The following SLC6A11 variants were observed in gnomAD, a reference collection of about 807,000 sequenced individuals.
SLC6A11 encodes solute carrier family 6 member 11, also known as sodium- and chloride-dependent GABA transporter 3.
SLC6A11 carries 25 observed loss-of-function variants against 74.8 expected under a neutral mutation model. The ratio of observed to expected loss-of-function variants is 0.33; its 90% CI spans 0.24 to 0.47. The LOEUF (loss-of-function observed/expected upper bound fraction) is 0.47, where lower values mean the gene tolerates loss of function less well. Ranked by LOEUF, SLC6A11 falls within the 20% of genes least tolerant of loss-of-function variation. SLC6A11 has a pLI of 1.00. For synonymous variants in SLC6A11, 330 were observed against 330.2 expected (o/e 1.00, Z 0.01); for missense variants, 574 against 837.0 (o/e 0.69, Z 3.88).
chr3:10,878,229 A>T (rs1235509338), intron 6 of SLC6A11, among the ~76,000 whole-genome samples: 1 of 151,880 alleles, frequency 6.6e-6, no homozygotes, highest in African/African-American at 2.4e-5. Context: ...TGCGTCCCCT[A>T]CTACTCTCCC....
intron 5 of SLC6A11, among the ~76,000 whole-genome samples, chr3:10,868,119 T>A (rs1030316098): frequency 6.6e-6 from 1 of 152,230 alleles, no homozygotes; most frequent in African/African-American, 2.4e-5. Context: ...TTTGGATTAG[T>A]CTATCCTTGC....
intron 10 of SLC6A11, among the ~76,000 whole-genome samples, chr3:10,931,056 T>G (rs879417361): frequency 6.6e-6 from 1 of 152,216 alleles, no homozygotes; most frequent in Non-Finnish European, 1.5e-5. Flanking sequence ...AACTCAGCTC[T>G]AAGAAAAATA....
chr3:10,874,057 C>A (rs1694879638), intron 5 of SLC6A11, among the ~76,000 whole-genome samples: 1 of 152,000 alleles, frequency 6.6e-6, no homozygotes. Context: ...CCTATACTAT[C>A]CTGTGCTATC....
chr3:10,914,417 C>T (rs1419035024), intron 7 of SLC6A11, among the ~76,000 whole-genome samples: 1 of 152,200 alleles, frequency 6.6e-6, no homozygotes, highest in African/African-American at 2.4e-5. Flanking sequence ...ATGGGAGCTG[C>T]AGACAGCAGT....
intron 7 of SLC6A11, among the ~76,000 whole-genome samples, chr3:10,917,806 A>G (rs560113387): frequency 6.6e-6 from 1 of 152,288 alleles, no homozygotes; most frequent in Non-Finnish European, 1.5e-5. Context: ...GGTCTGGCAG[A>G]TGCTGCTCCA....
At chr3:10,896,893 C>T (rs776312181) in intron 6 of SLC6A11, among the ~76,000 whole-genome samples, 2 of 152,188 alleles carry the variant, frequency 1.3e-5, no homozygotes, top group Non-Finnish European at 2.9e-5. Flanking sequence ...TCCATATTCA[C>T]GTTGCTGATA....
chr3:10,826,409 G>C (rs1158054118), intron 4 of SLC6A11, among the ~76,000 whole-genome samples: 2 of 152,286 alleles, frequency 1.3e-5, no homozygotes, highest in Admixed American at 1.3e-4. Flanking sequence ...CTGCACATTT[G>C]GGGGTCTGCA....
At chr3:10,936,049 G>C (rs1394395477) in intron 13 of SLC6A11, among the ~76,000 whole-genome samples, 1 of 152,162 alleles carries the variant, frequency 6.6e-6, no homozygotes. Context: ...TTACTCCAGA[G>C]CGGCACTCCC....
At chr3:10,887,148 A>T (rs1695054035) in intron 6 of SLC6A11, among the ~76,000 whole-genome samples, 1 of 151,172 alleles carries the variant, frequency 6.6e-6, no homozygotes, top group Non-Finnish European at 1.5e-5. Context: ...TAGATGATAG[A>T]TGGATGCATG....
chr3:10,866,692 T>C (rs537139179), intron 5 of SLC6A11, among the ~76,000 whole-genome samples: 6 of 152,200 alleles, frequency 3.9e-5, no homozygotes, highest in Non-Finnish European at 8.8e-5. Context: ...CATTACCCCC[T>C]TGAAGAAATG....
At chr3:10,818,389 G>A (rs1470672421) in intron 1 of SLC6A11, among the ~76,000 whole-genome samples, 1 of 152,086 alleles carries the variant, frequency 6.6e-6, no homozygotes, top group Non-Finnish European at 1.5e-5. Context: ...GCTTTCTAAT[G>A]TAGTTGGGAT....
chr3:10,888,610 G>A (rs1273338660), intron 6 of SLC6A11, among the ~76,000 whole-genome samples: 1 of 152,210 alleles, frequency 6.6e-6, no homozygotes, highest in Non-Finnish European at 1.5e-5. Context: ...TGTGTGCAAG[G>A]CCCAGCCACG....
chr3:10,887,038 C>G (rs1190377718), intron 6 of SLC6A11, among the ~76,000 whole-genome samples: 1 of 152,158 alleles, frequency 6.6e-6, no homozygotes, highest in African/African-American at 2.4e-5. Flanking sequence ...ATGAGAGGCT[C>G]CCAGTCAGCA....
chr3:10,919,913 A>G (rs1695513408), intron 8 of SLC6A11, among the ~76,000 whole-genome samples: 1 of 152,206 alleles, frequency 6.6e-6, no homozygotes, highest in Non-Finnish European at 1.5e-5. Context: ...AACTTAATCC[A>G]GGCCATCTGG....
intron 6 of SLC6A11, among the ~76,000 whole-genome samples, chr3:10,898,191 GCTGCTGTGAAGA>G: frequency 6.6e-6 from 1 of 152,304 alleles, no homozygotes; most frequent in South Asian, 2.1e-4. Context: ...GATGGGAGGG[GCTGCTGTGAAGA>G]CTTCTGACAT....
intron 5 of SLC6A11, among the ~76,000 whole-genome samples, chr3:10,856,772 C>A (rs958384413): frequency 5.9e-5 from 9 of 152,150 alleles, no homozygotes; most frequent in African/African-American, 2.2e-4. Flanking sequence ...AGAGCAGAGT[C>A]CATGGGCTCC....
rs1197441385 is a variant in SLC6A11, at chr3:10,816,760, G to T, written c.256+239G>T. Among the ~76,000 whole-genome samples the T allele has an allele frequency of 1.3e-5, 2 of 152,216 alleles. No individual in the cohort carries two copies. The highest frequency in any genetic ancestry group is 1.3e-4 in the Admixed American group (2 of 15,290). ...CACCTGCCAGCGCGGGGACTTGCCC[G>T]CGTTCTGTCCCCAGCATGAGATGCA... is the stretch of plus-strand genomic sequence containing the variant. On this transcript the variant is annotated intron_variant, in intron 1 of 13. Transcript: ENST00000254488. The surrounding 1 kb of genome is among the most constrained non-coding windows in gnomAD (Gnocchi z 4.2).
rs1341236597 is a variant in SLC6A11, at chr3:10,885,595, G to GAC, written c.891+10501_891+10502insCA. ...TTACAATGCACAGGACAGCCCCCATGATAAAAAAAAAAAAAAAAAATCAGG... is the reference window on the plus strand; with the variant it reads ...TTACAATGCACAGGACAGCCCCCATGACATAAAAAAAAAAAAAAAAAATCAGG... On this transcript the variant is annotated intron_variant, in intron 6 of 13. Transcript: ENST00000254488. Among the ~76,000 whole-genome samples, 573 of 81,486 alleles carry GAC rather than the reference G, an allele frequency of 7.0e-3. 6 individuals carry two copies. The highest frequency in any genetic ancestry group is 0.012 in the South Asian group (20 of 1,680). 53.5% of individuals were successfully genotyped at this position (81,486 alleles called of 152,430 possible). A position where few individuals can be genotyped will look rare whatever the true frequency, so the allele number is the denominator to read the frequency against.
chr3:10,929,418 G>T, intron 10 of SLC6A11, 79 bp downstream of exon 10: 2 of 1,529,090 alleles, frequency 1.3e-6, no homozygotes, highest in Admixed American at 1.7e-5. Context: ...GACCAGCTGT[G>T]TGACCCGGGT....
Sources: gnomAD v4.1 joint callset for allele counts (sites outside exome capture counted in the v4.1 genomes callset) on GRCh38, gnomAD v4.1.1 for gene constraint, Gnocchi (gnomAD v3.1) non-coding constraint, MANE v1.5 for transcripts, NCBI Gene and HGNC (gene_info 2026-07-23, HGNC 2026-07-21) for gene names.